The following PTPRT variants were observed in gnomAD, a reference collection of about 807,000 sequenced individuals.
PTPRT encodes the protein protein tyrosine phosphatase receptor type T, also known as receptor-type tyrosine-protein phosphatase T.
Under a neutral mutation model 176.8 loss-of-function variants are expected in PTPRT, and 56 were observed. That is an observed-to-expected ratio of 0.32 (90% CI 0.26 to 0.40). PTPRT has a LOEUF of 0.40. PTPRT is among the 10% of genes least tolerant of loss of function. The pLI, the probability that PTPRT is intolerant of heterozygous loss-of-function variation, is 1.00. For synonymous variants in PTPRT, 783 were observed against 739.0 expected, an observed-to-expected ratio of 1.06 and a Z score of -0.96; for missense variants, 1,540 against 1,908.2, an observed-to-expected ratio of 0.81 and a Z score of 3.60.
At chr20:42,205,985 G>C (rs1011399878) in intron 15 of PTPRT, among the ~76,000 whole-genome samples, 1 of 152,108 alleles carries the variant, frequency 6.6e-6, no homozygotes, top group African/African-American at 2.4e-5. Context: ...AAGACACTGA[G>C]GCCTGGACAG....
At chr20:42,514,097 T>C (rs1250029005) in intron 7 of PTPRT, among the ~76,000 whole-genome samples, 3 of 152,208 alleles carry the variant, frequency 2.0e-5, no homozygotes, top group African/African-American at 7.2e-5. Context: ...CTAGGAATGT[T>C]CTTGGGCATA....
chr20:42,213,040 C>T (rs956310243), intron 15 of PTPRT, among the ~76,000 whole-genome samples: 1 of 152,038 alleles, frequency 6.6e-6, no homozygotes, highest in African/African-American at 2.4e-5. Context: ...TTATAGTGTG[C>T]CACTAAGCTT....
chr20:42,259,185 T>G (rs2056701993), intron 13 of PTPRT, among the ~76,000 whole-genome samples: 1 of 152,230 alleles, frequency 6.6e-6, no homozygotes, highest in South Asian at 2.1e-4. Flanking sequence ...GACCTTGTTT[T>G]ACACTGTAAA....
At chr20:42,914,213 C>A (rs963767190) in intron 1 of PTPRT, among the ~76,000 whole-genome samples, 1 of 152,158 alleles carries the variant, frequency 6.6e-6, no homozygotes, top group African/African-American at 2.4e-5. Flanking sequence ...ATCACTGTAT[C>A]TCCTAGAAAT....
At chr20:42,906,701 T>G (rs1360610582) in intron 1 of PTPRT, among the ~76,000 whole-genome samples, 2 of 152,152 alleles carry the variant, frequency 1.3e-5, no homozygotes, top group Non-Finnish European at 2.9e-5. Context: ...AGCAGGGCAC[T>G]GAAGAAGTGA....
the PTPRT span, among the ~76,000 whole-genome samples, chr20:42,038,524 G>T: frequency 2.0e-5 from 3 of 152,192 alleles, no homozygotes; most frequent in Non-Finnish European, 4.4e-5. Context: ...TCTGTGTGGG[G>T]ACACAAAGTG....
chr20:42,108,301 C>A (rs374904573), intron 23 of PTPRT, among the ~76,000 whole-genome samples: 2 of 152,154 alleles, frequency 1.3e-5, no homozygotes, highest in Admixed American at 6.5e-5. Flanking sequence ...TTTGAAAAGA[C>A]CCCCTAGGAT....
At chr20:43,031,248 A>C (rs1986126770) in intron 1 of PTPRT, among the ~76,000 whole-genome samples, 1 of 152,070 alleles carries the variant, frequency 6.6e-6, no homozygotes. Context: ...GGCAGTACAC[A>C]CTCTTAGCAG....
At chr20:42,281,604 T>C (rs192266825) in intron 13 of PTPRT, among the ~76,000 whole-genome samples, 8 of 152,296 alleles carry the variant, frequency 5.3e-5, no homozygotes, top group Non-Finnish European at 1.0e-4. Context: ...TACACATACA[T>C]ACTTGGGTCA....
At chr20:42,340,458 T>C (rs1287231395) in intron 11 of PTPRT, among the ~76,000 whole-genome samples, 1 of 152,174 alleles carries the variant, frequency 6.6e-6, no homozygotes, top group Non-Finnish European at 1.5e-5. Flanking sequence ...TTTGGCCCAT[T>C]GGTGGAGACT....
the PTPRT span, among the ~76,000 whole-genome samples, chr20:42,050,492 A>G: frequency 6.6e-6 from 1 of 152,166 alleles, no homozygotes; most frequent in Non-Finnish European, 1.5e-5. Flanking sequence ...GCTCTGTTCC[A>G]GTGAGTACTG....
chr20:42,081,195 A>T (rs752114342), intron 30 of PTPRT, among the ~76,000 whole-genome samples: 19 of 152,136 alleles, frequency 1.2e-4, no homozygotes, highest in Non-Finnish European at 2.4e-4. Flanking sequence ...GGGCTTCTCA[A>T]ACTGTAACGT....
At chr20:42,655,657 G>T (rs1274442711) in intron 7 of PTPRT, among the ~76,000 whole-genome samples, 1 of 152,190 alleles carries the variant, frequency 6.6e-6, no homozygotes, top group Non-Finnish European at 1.5e-5. Flanking sequence ...AGGATAAGGA[G>T]GGAACATGCA....
intron 7 of PTPRT, among the ~76,000 whole-genome samples, chr20:42,617,486 G>A (rs76167917): frequency 0.19 from 24,860 of 129,214 alleles, 4,947 homozygotes; most frequent in African/African-American, 0.3. Flanking sequence ...CTCTTTTTCT[G>A]TTGATTGGAA....
At chr20:42,134,429 C>T (rs1044842449) in intron 18 of PTPRT, among the ~76,000 whole-genome samples, 3 of 152,080 alleles carry the variant, frequency 2.0e-5, no homozygotes, top group Admixed American at 6.6e-5. Context: ...CTGGCTCCCC[C>T]GGCTCTCAGT....
Position 42,119,995 on chromosome 20 carries a change from GT to G in PTPRT, c.2848-25del, listed in dbSNP as rs1987502603. ...CCCTGGATAACAGGAGAAAAGCACTGTGAAGAGTCTGTTGTCAAAGCTTGCA... is the reference window on the plus strand; with the variant it reads ...CCCTGGATAACAGGAGAAAAGCACTGGAAGAGTCTGTTGTCAAAGCTTGCA... On this transcript the variant is annotated intron_variant, in intron 19 of 30. Coordinates refer to ENST00000373187, the MANE Select transcript of PTPRT (RefSeq NM_007050.6). The G allele has an allele frequency of 1.9e-6, 3 of 1,599,578 alleles. No homozygotes were observed. In the African/African-American group the frequency reaches 4.1e-5, roughly 22 times the overall value.
chr20:42,800,180 G>A (rs2077510213), intron 2 of PTPRT, among the ~76,000 whole-genome samples: 1 of 152,178 alleles, frequency 6.6e-6, no homozygotes, highest in African/African-American at 2.4e-5. Flanking sequence ...CTGAGAAACA[G>A]AGAGCTTAAG....
chr20:42,306,331 C>A (rs1480560343), intron 12 of PTPRT, among the ~76,000 whole-genome samples: 1 of 152,110 alleles, frequency 6.6e-6, no homozygotes, highest in Non-Finnish European at 1.5e-5. Flanking sequence ...GAATGGAGGC[C>A]TGGAAGCAGG....
At chr20:42,162,704 T>C (rs2146508843) in intron 16 of PTPRT, among the ~76,000 whole-genome samples, 2 of 152,340 alleles carry the variant, frequency 1.3e-5, no homozygotes, top group East Asian at 3.9e-4. Context: ...CCTATGCAGG[T>C]ACCCACTCGG....
Sources: gnomAD v4.1 joint callset for allele counts (sites outside exome capture counted in the v4.1 genomes callset) on GRCh38, gnomAD v4.1.1 for gene constraint, MANE v1.5 for transcripts, NCBI Gene and HGNC (gene_info 2026-07-23, HGNC 2026-07-21) for gene names.